The following GATM variants were observed in gnomAD, a reference collection of about 807,000 sequenced individuals.
GATM encodes glycine amidinotransferase, mitochondrial.
Under a neutral mutation model 54.2 loss-of-function variants are expected in GATM, and 23 were observed. That is an observed-to-expected ratio of 0.42 (90% CI 0.31 to 0.60). The LOEUF is 0.60. GATM is among the 20% of genes least tolerant of loss of function. The pLI is 0.14. For missense variants in GATM, 401 were observed against 544.9 expected (o/e 0.74, Z 2.63); for synonymous variants, 168 against 183.1 (o/e 0.92, Z 0.67).
upstream of GATM, among the ~76,000 whole-genome samples, chr15:45,380,876 C>T (rs1889731975): frequency 6.6e-6 from 1 of 152,112 alleles, no homozygotes. Context: ...TTTTGCTATG[C>T]CTCTGATTTA....
At chr15:45,391,149 A>G (rs1889868667) in intron 3 of GATM, among the ~76,000 whole-genome samples, 1 of 152,182 alleles carries the variant, frequency 6.6e-6, no homozygotes, top group Non-Finnish European at 1.5e-5. Context: ...TCATGCCTGT[A>G]ATCCCAGCAC....
chr15:45,391,857 C>CA (rs1889877000), intron 3 of GATM, among the ~76,000 whole-genome samples: 1 of 152,064 alleles, frequency 6.6e-6, no homozygotes, highest in African/African-American at 2.4e-5. Flanking sequence ...AAAAAAAACA[C>CA]AAAAAATAAA....
intron 2 of GATM, among the ~76,000 whole-genome samples, chr15:45,372,737 G>A (rs1472043072): frequency 6.6e-6 from 1 of 152,124 alleles, no homozygotes; most frequent in African/African-American, 2.4e-5. Context: ...AAACCTTCCT[G>A]GGAGAAAAAG....
intron 3 of GATM, 36 bp downstream of exon 3, chr15:45,369,290 C>T: frequency 1.3e-6 from 2 of 1,578,788 alleles, no homozygotes; most frequent in Non-Finnish European, 1.7e-6. Context: ...ATTGAAAATT[C>T]AGACACTGGC....
intron 4 of GATM, 68 bp from the exon 5 acceptor site, chr15:45,366,576 G>A (rs2140642100): frequency 3.8e-6 from 6 of 1,563,204 alleles, no homozygotes; most frequent in Non-Finnish European, 5.3e-6. Context: ...AAGGCATACA[G>A]TACTAAGAAA....
At chr15:45,374,794 G>A (rs2140654691) in intron 2 of GATM, among the ~76,000 whole-genome samples, 1 of 152,236 alleles carries the variant, frequency 6.6e-6, no homozygotes, top group African/African-American at 2.4e-5. Flanking sequence ...CTAGAGCCCT[G>A]GTACATGGTA....
At chr15:45,377,278 A>T (rs1294643088) in intron 1 of GATM, 1 of 455,594 alleles carries the variant, frequency 2.2e-6, no homozygotes, top group Non-Finnish European at 4.4e-6. Context: ...CTTTTTATTT[A>T]TTTTTTTTTA....
chr15:45,363,482 C>T (rs1050878800), intron 8 of GATM: 4 of 209,926 alleles, frequency 1.9e-5, no homozygotes, highest in Non-Finnish European at 3.8e-5. Flanking sequence ...GCTTATCACA[C>T]ATAAAAGTCA....
At chr15:45,364,098 T>G (rs1889408961) in intron 7 of GATM, 82 bp from the exon 8 acceptor site, 1 of 821,724 alleles carries the variant, frequency 1.2e-6, no homozygotes, top group Non-Finnish European at 2.1e-6. Flanking sequence ...AATATTAAAG[T>G]GACAGCTCAG....
At chr15:45,367,990 G>A in intron 4 of GATM, 80 bp downstream of exon 4, 1 of 1,208,572 alleles carries the variant, frequency 8.3e-7, no homozygotes, top group Non-Finnish European at 1.2e-6. Flanking sequence ...TATATACAAG[G>A]TATCAGAGAA....
intron 1 of GATM, chr15:45,377,565 G>A: frequency 3.3e-6 from 1 of 299,154 alleles, no homozygotes; most frequent in South Asian, 3.0e-5. Context: ...AGCAGGGAGG[G>A]TCCCTCAACC....
At chr15:45,370,439 A>G (rs1728364965) in intron 2 of GATM, among the ~76,000 whole-genome samples, 1 of 152,110 alleles carries the variant, frequency 6.6e-6, no homozygotes, top group Admixed American at 6.6e-5. Context: ...TTTCCCATTC[A>G]ACAGAATTAA....
chr15:45,383,873 CTA>C (rs1191872222), intron 3 of GATM, among the ~76,000 whole-genome samples: 1 of 152,150 alleles, frequency 6.6e-6, no homozygotes, highest in Non-Finnish European at 1.5e-5. Context: ...CATTTCTACT[CTA>C]ATAATAATAA....
At chr15:45,397,389 G>T (rs911280033) in intron 2 of GATM, 1 of 152,144 alleles carries the variant, frequency 6.6e-6, no homozygotes, top group Admixed American at 6.6e-5. Flanking sequence ...TCCAGAGAGG[G>T]ACGGAGGCTG....
At chr15:45,391,688 A>C (rs1320788715) in intron 3 of GATM, among the ~76,000 whole-genome samples, 4 of 152,238 alleles carry the variant, frequency 2.6e-5, no homozygotes, top group Non-Finnish European at 5.9e-5. Context: ...GAATTATACC[A>C]CTTGGTAAGA....
chr15:45,386,732 G>C (rs1423301556), intron 3 of GATM, among the ~76,000 whole-genome samples: 1 of 152,136 alleles, frequency 6.6e-6, no homozygotes, highest in African/African-American at 2.4e-5. Flanking sequence ...CTGGGCCCTG[G>C]GAATTGAAGA....
intron 3 of GATM, among the ~76,000 whole-genome samples, chr15:45,392,723 A>G (rs1299523237): frequency 1.3e-5 from 2 of 152,194 alleles, no homozygotes; most frequent in African/African-American, 2.4e-5. Context: ...ATATCTTCAC[A>G]TTCACCAAAT....
intron 3 of GATM, among the ~76,000 whole-genome samples, chr15:45,389,856 T>A (rs1889848805): frequency 6.6e-6 from 1 of 151,722 alleles, no homozygotes; most frequent in Admixed American, 6.6e-5. Context: ...TTCTTTTTTC[T>A]TTTTCTTTTT....
At chr15:45,396,589 G>GAT (rs1889933966) in intron 3 of GATM, among the ~76,000 whole-genome samples, 2 of 152,066 alleles carry the variant, frequency 1.3e-5, no homozygotes, top group African/African-American at 4.8e-5. Context: ...ACAGTATTTG[G>GAT]GCTGGGCACA....
Sources: allele counts gnomAD v4.1 joint callset (sites outside exome capture counted in the v4.1 genomes callset), GRCh38; gene constraint gnomAD v4.1.1; transcripts MANE v1.5; gene names NCBI Gene and HGNC (gene_info 2026-07-23, HGNC 2026-07-21).